The following ATP2B2 variants were observed in gnomAD, a reference collection of about 807,000 sequenced individuals.
ATP2B2 encodes plasma membrane calcium-transporting ATPase 2.
A neutral mutation model predicts 120.0 loss-of-function variants in ATP2B2; 15 were observed. The ratio of observed to expected loss-of-function variants is 0.12; its 90% CI spans 0.08 to 0.19. ATP2B2 has a LOEUF of 0.19. Among genes scored for constraint, ATP2B2 ranks in the 10% least tolerant of loss-of-function variants. ATP2B2 has a pLI of 1.00. For missense variants in ATP2B2, 1,045 were observed against 1,719.8 expected (o/e 0.61, Z 6.94); for synonymous variants, 694 against 700.3 (o/e 0.99, Z 0.14).
chr3:10,503,180 C>T (rs1303699946), intron 1 of ATP2B2, among the ~76,000 whole-genome samples: 1 of 152,244 alleles, frequency 6.6e-6, no homozygotes, highest in Non-Finnish European at 1.5e-5. Flanking sequence ...GCCACAGCAG[C>T]TTCTCTGACC....
At chr3:10,550,867 T>C (rs1259270098) in intron 2 of ATP2B2, among the ~76,000 whole-genome samples, 2 of 152,208 alleles carry the variant, frequency 1.3e-5, no homozygotes, top group Non-Finnish European at 2.9e-5. Flanking sequence ...GAAGCTGTTA[T>C]GCACGGTCGC....
At position 10,672,387 on chromosome 3, in the gene ATP2B2, C is replaced by A. The variant is rs148212037; in HGVS notation, c.-460+35528G>T. Among the ~76,000 whole-genome samples, 252 of 152,266 alleles carry A rather than the reference C, an allele frequency of 1.7e-3. 11 individuals are homozygous for A. In the East Asian group the frequency reaches 0.043, roughly 26 times the overall value. ...AATGACATGGAGGGACAGAAATGCGCAAAAGGAAAAGATCAGGCAGATGCA... is the reference window on the plus strand; with the variant it reads ...AATGACATGGAGGGACAGAAATGCGAAAAAGGAAAAGATCAGGCAGATGCA... On this transcript the variant is annotated intron_variant, in intron 1 of 21. Transcript: ENST00000646379.
At chr3:10,378,481 T>A in intron 9 of ATP2B2, 71 bp from the exon 10 acceptor site, 2 of 1,585,630 alleles carry the variant, frequency 1.3e-6, no homozygotes, top group South Asian at 1.1e-5. Context: ...GCCCACAGGG[T>A]GGAGACGCTG....
At chr3:10,371,729 C>G (rs1575043908) in intron 12 of ATP2B2, 80 bp downstream of exon 12, 2 of 1,605,306 alleles carry the variant, frequency 1.2e-6, no homozygotes, top group Admixed American at 1.7e-5. Context: ...CTATGAATCA[C>G]ATTGCTCAAC....
At chr3:10,502,120 G>A (rs1393869391) in intron 1 of ATP2B2, among the ~76,000 whole-genome samples, 1 of 152,218 alleles carries the variant, frequency 6.6e-6, no homozygotes, top group Non-Finnish European at 1.5e-5. Flanking sequence ...ATAAGCCACA[G>A]GCAGCTTTTC....
chr3:10,505,242 A>T lies in ATP2B2; in HGVS notation c.-320+223T>A, dbSNP rs558051692. ...TCCCCCACAACACGCGGACCCTCAC[A>T]CTAGTGTCTCCCTCAGCGGCGGCTC... On this transcript the variant is annotated intron_variant, in intron 1 of 22. Transcript: ENST00000360273. Among the ~76,000 whole-genome samples the T allele has an allele frequency of 1.1e-4, 16 of 151,576 alleles. No homozygotes were observed. In the East Asian group the frequency reaches 3.1e-3, roughly 30 times the overall value.
chr3:10,642,674 T>C (rs199933575), intron 1 of ATP2B2, among the ~76,000 whole-genome samples: 16 of 139,374 alleles, frequency 1.1e-4, no homozygotes, highest in East Asian at 1.1e-3. Context: ...CAGGTATGCA[T>C]AGAGATTTAG....
intron 12 of ATP2B2, 98 bp from the exon 13 acceptor site, chr3:10,360,221 G>C: frequency 6.7e-7 from 1 of 1,484,760 alleles, no homozygotes; most frequent in Non-Finnish European, 8.9e-7. Flanking sequence ...CACTTAGGTG[G>C]TCTCTGGGCT....
At chr3:10,600,912 G>A (rs2068891658) in intron 2 of ATP2B2, among the ~76,000 whole-genome samples, 1 of 151,762 alleles carries the variant, frequency 6.6e-6, no homozygotes, top group Admixed American at 6.5e-5. Flanking sequence ...AAGTGTTTGG[G>A]GCAGGGCAAG....
chr3:10,657,112 T>C (rs1478591806), intron 1 of ATP2B2, among the ~76,000 whole-genome samples: 1 of 152,252 alleles, frequency 6.6e-6, no homozygotes, highest in East Asian at 1.9e-4. Flanking sequence ...ATTTACATTC[T>C]TAAAAGACAT....
At chr3:10,461,288 C>G (rs2064477671) in intron 1 of ATP2B2, among the ~76,000 whole-genome samples, 1 of 152,246 alleles carries the variant, frequency 6.6e-6, no homozygotes. Context: ...GTGCACTCAT[C>G]TTCCACACTT....
chr3:10,623,402 C>T (rs1207001829), intron 1 of ATP2B2, among the ~76,000 whole-genome samples: 1 of 152,122 alleles, frequency 6.6e-6, no homozygotes, highest in East Asian at 1.9e-4. Context: ...AAGAATAAAC[C>T]ACCCATTCTA....
Position 10,440,178 on chromosome 3 carries a change from G to A in ATP2B2, c.199+9167C>T, listed in dbSNP as rs574990155. ...ATGGTGGTGGGTGAGAAGCCCCAGAGTCCCATCCATTCAGCATCCCCTTGT... is the reference window on the plus strand; with the variant it reads ...ATGGTGGTGGGTGAGAAGCCCCAGAATCCCATCCATTCAGCATCCCCTTGT... On this transcript the variant is annotated intron_variant, in intron 2 of 22. Coordinates refer to ENST00000360273, the MANE Select transcript of ATP2B2 (RefSeq NM_001001331.4). Among the ~76,000 whole-genome samples the A allele has an allele frequency of 1.1e-4, 17 of 148,254 alleles. No homozygotes were observed. The East Asian group carries it at 3.5e-3, about 30-fold the overall frequency.
chr3:10,392,005 G>A (rs1333921533), intron 5 of ATP2B2, among the ~76,000 whole-genome samples: 1 of 151,994 alleles, frequency 6.6e-6, no homozygotes, highest in East Asian at 1.9e-4. Flanking sequence ...TCCTCCACAG[G>A]ATGAATGCCC....
At chr3:10,445,943 GAC>G (rs942845008) in intron 2 of ATP2B2, among the ~76,000 whole-genome samples, 32 of 152,292 alleles carry the variant, frequency 2.1e-4, no homozygotes, top group African/African-American at 7.7e-4. Flanking sequence ...CTCCATATGA[GAC>G]AGAGTAAAGG....
chr3:10,507,746 C>G (rs2066674942), upstream of ATP2B2, among the ~76,000 whole-genome samples: 1 of 152,238 alleles, frequency 6.6e-6, no homozygotes, highest in African/African-American at 2.4e-5. Context: ...ACCTACAAAA[C>G]AGTAAATCAT....
At chr3:10,579,709 C>G (rs1184774634) in intron 2 of ATP2B2, among the ~76,000 whole-genome samples, 2 of 152,130 alleles carry the variant, frequency 1.3e-5, no homozygotes, top group African/African-American at 4.8e-5. Flanking sequence ...ACTTGGGAGG[C>G]TGAGGTAGGA....
intron 1 of ATP2B2, among the ~76,000 whole-genome samples, chr3:10,486,097 C>A (rs1180806543): frequency 6.6e-6 from 1 of 152,168 alleles, no homozygotes; most frequent in African/African-American, 2.4e-5. Flanking sequence ...CAGCATGCTT[C>A]CATCGCACTC....
At chr3:10,450,940 T>C (rs993387151) in intron 1 of ATP2B2, among the ~76,000 whole-genome samples, 1 of 152,064 alleles carries the variant, frequency 6.6e-6, no homozygotes, top group African/African-American at 2.4e-5. Flanking sequence ...CCCGCAGTCA[T>C]GGACAGCTGG....
Sources: gnomAD v4.1 joint callset for allele counts (sites outside exome capture counted in the v4.1 genomes callset) on GRCh38, gnomAD v4.1.1 for gene constraint, MANE v1.5 for transcripts, NCBI Gene and HGNC (gene_info 2026-07-23, HGNC 2026-07-21) for gene names.